The following ADAM12 variants were observed in gnomAD, a reference collection of about 807,000 sequenced individuals.
ADAM12 encodes the protein disintegrin and metalloproteinase domain-containing protein 12.
In ADAM12, 70 loss-of-function variants were observed where a neutral mutation model predicts 106.4. The ratio of observed to expected loss-of-function variants is 0.66; its 90% CI spans 0.54 to 0.80. The LOEUF is 0.80. ADAM12 is among the 30% of genes least tolerant of loss of function. The pLI, the probability that ADAM12 is intolerant of heterozygous loss-of-function variation, is 0.00. For missense variants in ADAM12, 1,010 were observed against 1,171.9 expected, an observed-to-expected ratio of 0.86 and a Z score of 2.02; for synonymous variants, 420 against 433.5, an observed-to-expected ratio of 0.97 and a Z score of 0.39.
chr10:126,365,701 G>A (rs1057048559), intron 1 of ADAM12, among the ~76,000 whole-genome samples: 5 of 152,080 alleles, frequency 3.3e-5, no homozygotes, highest in Admixed American at 1.3e-4. Flanking sequence ...GAATAGCATC[G>A]GGGCAACTGC....
intron 2 of ADAM12, among the ~76,000 whole-genome samples, chr10:126,321,162 A>G (rs186677650): frequency 1.3e-5 from 2 of 152,344 alleles, no homozygotes; most frequent in African/African-American, 2.4e-5. Context: ...ATGTCAAGTA[A>G]CTATAAGCCC....
Position 126,038,097 on chromosome 10 carries a change from C to T in ADAM12, c.2349+144G>A. On this transcript the variant is annotated intron_variant, in intron 20 of 22. Transcript: ENST00000448723. ...CCCTCTGGCCCCAGATCACAGAGAC[C>T]CTCCCTCAGAGCCTGCTGACCTAGT... The T allele has an allele frequency of 5.0e-6, 4 of 804,798 alleles. 1 individual carries two copies. Among genetic ancestry groups the T allele is most frequent in the Non-Finnish European group, 8.1e-6 (4 of 493,202 alleles). The allele number at this position is 804,798 out of a possible 1,614,324, so 49.9% of individuals were successfully genotyped here.
chr10:126,243,303 T>C (rs1194992883), intron 3 of ADAM12, among the ~76,000 whole-genome samples: 3 of 152,232 alleles, frequency 2.0e-5, no homozygotes, highest in African/African-American at 7.2e-5. Context: ...AACAGTGAAA[T>C]TGATAATAAC....
intron 3 of ADAM12, among the ~76,000 whole-genome samples, chr10:126,156,121 T>C (rs1370192969): frequency 1.3e-5 from 2 of 152,176 alleles, no homozygotes; most frequent in Non-Finnish European, 2.9e-5. Flanking sequence ...TGCCAGGTGC[T>C]AGCTGCTGGG....
intron 2 of ADAM12, among the ~76,000 whole-genome samples, chr10:126,311,084 TACACACAAATAC>T (rs1961066488): frequency 1.2e-5 from 1 of 80,438 alleles, no homozygotes; most frequent in East Asian, 3.9e-4. Context: ...TCATTATACA[TACACACAAATAC>T]ACACACACAC....
chr10:126,294,360 C>T (rs974032124), intron 2 of ADAM12, among the ~76,000 whole-genome samples: 1 of 152,152 alleles, frequency 6.6e-6, no homozygotes, highest in African/African-American at 2.4e-5. Context: ...CTGGAATGAT[C>T]AGAAGTGTGT....
intron 3 of ADAM12, among the ~76,000 whole-genome samples, chr10:126,213,534 G>A (rs537019089): frequency 3.3e-5 from 5 of 152,292 alleles, no homozygotes; most frequent in African/African-American, 1.2e-4. Flanking sequence ...TTGCCAACTT[G>A]TTGAAATAAC....
At chr10:126,191,855 G>A (rs1590594769) in intron 3 of ADAM12, among the ~76,000 whole-genome samples, 2 of 152,286 alleles carry the variant, frequency 1.3e-5, no homozygotes, top group Admixed American at 1.3e-4. Context: ...GGTTTAATTG[G>A]CTCATGGTTC....
intron 3 of ADAM12, among the ~76,000 whole-genome samples, chr10:126,243,558 T>C (rs1365229066): frequency 6.6e-6 from 1 of 151,706 alleles, no homozygotes; most frequent in Admixed American, 6.6e-5. Flanking sequence ...TGGGTGTGTG[T>C]GTAGGCCATT....
chr10:126,135,637 A>G lies in ADAM12; in HGVS notation c.363T>C (p.His121=). The G allele has an allele frequency of 6.2e-7, 1 of 1,614,236 alleles. No individual in the cohort carries two copies. The highest frequency in any genetic ancestry group is 8.5e-7 in the Non-Finnish European group (1 of 1,180,034). The change falls in exon 5 of 23, where the codon CAT becomes CAC. Residue 121 remains histidine (H), a synonymous_variant. Transcript: ENST00000448723. ...CTGCTGAATCAGAATATCCCCGTAC[A>G]TGTCCATGGTAGTAACAGTGACCCT... ...NYTGHCYYHG[H]VRGYSDSAVS...
Position 126,014,888 on chromosome 10 carries a change from G to T in ADAM12, c.*2391C>A, listed in dbSNP as rs1401634024. 6.6e-6 allele frequency: 1 copy of T among 151,584 alleles called. No homozygotes were observed. The highest frequency in any genetic ancestry group is 6.6e-5 in the Admixed American group (1 of 15,200). 9.4% of individuals were successfully genotyped at this position (151,584 alleles called of 1,614,324 possible). A position where few individuals can be genotyped will look rare whatever the true frequency, so the allele number is the denominator to read the frequency against. ...AAGTATTGATTTTTTTTGTTTTGAG[G>T]ATATAAAAAAGAATACTCCACCCCG... On this transcript the variant is annotated 3_prime_UTR_variant, in exon 23 of 23. Transcript: ENST00000448723.
At chr10:126,039,530 AGAAAT>A (rs1248976860) in intron 18 of ADAM12, 101 bp from the exon 19 acceptor site, 1 of 1,417,260 alleles carries the variant, frequency 7.1e-7, no homozygotes, top group African/African-American at 1.4e-5. Context: ...CTGAAGCAAC[AGAAAT>A]GAAGAGAGTA....
At chr10:126,304,175 G>C (rs181240532) in intron 2 of ADAM12, among the ~76,000 whole-genome samples, 2 of 151,890 alleles carry the variant, frequency 1.3e-5, no homozygotes, top group East Asian at 1.9e-4. Flanking sequence ...ACACCCAAAA[G>C]TAATAAATTA....
intron 3 of ADAM12, among the ~76,000 whole-genome samples, chr10:126,259,742 G>A (rs982621456): frequency 2.6e-5 from 4 of 152,112 alleles, no homozygotes; most frequent in Non-Finnish European, 5.9e-5. Flanking sequence ...GAACTAAACC[G>A]GGGCAATCAA....
At chr10:126,376,933 G>A (rs1326314738) in intron 1 of ADAM12, among the ~76,000 whole-genome samples, 2 of 152,228 alleles carry the variant, frequency 1.3e-5, no homozygotes, top group Non-Finnish European at 2.9e-5. Flanking sequence ...CTACGGCCCT[G>A]TGGAGGTAGA....
Position 126,104,162 on chromosome 10 carries a change from C to T in ADAM12, c.742-2921G>A, listed in dbSNP as rs553322470. On this transcript the variant is annotated intron_variant, in intron 8 of 22. Coordinates refer to ENST00000448723, the MANE Select transcript of ADAM12 (RefSeq NM_001288973.2). Reference sequence around the variant, plus strand: ...TGAAAATATCCTAAGAAATTCAATACACAGAGGCTGGACATGGTGGCTCAT... The same window carrying T: ...TGAAAATATCCTAAGAAATTCAATATACAGAGGCTGGACATGGTGGCTCAT... Among the ~76,000 whole-genome samples, 15 of 152,224 alleles carry T rather than the reference C, an allele frequency of 9.9e-5. No homozygotes were observed. The South Asian group carries it at 2.1e-3, about 21-fold the overall frequency.
intron 1 of ADAM12, among the ~76,000 whole-genome samples, chr10:126,381,377 C>T (rs1322326918): frequency 6.6e-6 from 1 of 150,822 alleles, no homozygotes; most frequent in Non-Finnish European, 1.5e-5. Flanking sequence ...TGGTTCAATG[C>T]CTGTAATTCC....
At chr10:126,166,688 G>A (rs1293909260) in intron 3 of ADAM12, among the ~76,000 whole-genome samples, 1 of 152,042 alleles carries the variant, frequency 6.6e-6, no homozygotes, top group Non-Finnish European at 1.5e-5. Context: ...TAGTAGAGAT[G>A]GGGTTTCACC....
intron 3 of ADAM12, among the ~76,000 whole-genome samples, chr10:126,257,716 T>A (rs529249830): frequency 1.3e-5 from 2 of 152,314 alleles, no homozygotes; most frequent in African/African-American, 4.8e-5. Context: ...CAAGGAAATA[T>A]AACCATCCTC....
Sources: gnomAD v4.1 joint callset for allele counts (sites outside exome capture counted in the v4.1 genomes callset) on GRCh38, gnomAD v4.1.1 for gene constraint, MANE v1.5 for transcripts, NCBI Gene and HGNC (gene_info 2026-07-23, HGNC 2026-07-21) for gene names.